Variants in WDFY4 observed in about 807,000 individuals in gnomAD.
WDFY4 encodes the protein WDFY family member 4.
Under a neutral mutation model 351.9 loss-of-function variants are expected in WDFY4, and 169 were observed. The ratio of observed to expected loss-of-function variants is 0.48; its 90% CI spans 0.42 to 0.55. The LOEUF (loss-of-function observed/expected upper bound fraction) is 0.55, where lower values mean the gene tolerates loss of function less well. Among genes scored for constraint, WDFY4 ranks in the 20% least tolerant of loss-of-function variants. WDFY4 has a pLI of 0.00. For missense variants in WDFY4, 3,803 were observed against 3,935.6 expected, an observed-to-expected ratio of 0.97 and a Z score of 0.90; for synonymous variants, 1,622 against 1,574.6, an observed-to-expected ratio of 1.03 and a Z score of -0.71.
At chr10:48,777,804 G>A (rs1252397473) in intron 17 of WDFY4, among the ~76,000 whole-genome samples, 2 of 152,220 alleles carry the variant, frequency 1.3e-5, no homozygotes, top group Non-Finnish European at 2.9e-5. Flanking sequence ...CTGCAGATGA[G>A]TTGTTCTTCA....
intron 51 of WDFY4, among the ~76,000 whole-genome samples, chr10:48,950,619 A>G (rs866665063): frequency 6.6e-6 from 1 of 152,220 alleles, no homozygotes; most frequent in South Asian, 2.1e-4. Context: ...CCCTGGGGAC[A>G]CCAAGCCTAA....
intron 47 of WDFY4, among the ~76,000 whole-genome samples, chr10:48,922,103 TA>T (rs1839136345): frequency 6.6e-6 from 1 of 152,194 alleles, no homozygotes; most frequent in South Asian, 2.1e-4. Flanking sequence ...TACTGTACAG[TA>T]GTCCCCCTTA....
rs910106110 is a variant in WDFY4 at position 48,823,674 on chromosome 10, G to C, written c.5982+1137G>C. The C allele has an allele frequency of 1.7e-5, 17 of 1,004,052 alleles. No individual in the cohort carries two copies. The African/African-American group carries it at 2.9e-4, about 17-fold the overall frequency. The allele number at this position is 1,004,052 out of a possible 1,614,324, so 62.2% of individuals were successfully genotyped here. The stretch of plus-strand genomic sequence containing the variant: ...CAAGTTGTGTTGTAAATGGAAAGAA[G>C]CTGCTGAGCTCCCTATGGCTAAAGC... On this transcript the variant is annotated intron_variant, in intron 35 of 61. Transcript: ENST00000325239.
chr10:48,784,969 TG>T (rs1461714173), intron 19 of WDFY4, among the ~76,000 whole-genome samples: 1 of 150,492 alleles, frequency 6.6e-6, no homozygotes, highest in Non-Finnish European at 1.5e-5. Context: ...GCCATTCTCC[TG>T]CCTCAGCCTC....
chr10:48,852,906 T>C (rs192932596), intron 39 of WDFY4, among the ~76,000 whole-genome samples: 2 of 152,356 alleles, frequency 1.3e-5, no homozygotes, highest in East Asian at 3.9e-4. Context: ...ATATACTGTA[T>C]GCTCTGTCTT....
chr10:48,731,418 C>T lies in WDFY4; in HGVS notation c.1438C>T (p.Pro480Ser), dbSNP rs1261568253. Reference protein sequence around the residue: ...VQHLIKESPGPSCTLMALQSI... With the variant: ...VQHLIKESPGSSCTLMALQSI... ...GCATCTGATCAAGGAGAGCCCTGGG[C>T]CATCCTGCACCCTCATGGCCCTGCA... The change falls in exon 9 of 62, where the codon CCA becomes TCA. Residue 480 changes from proline (P) to serine (S), a missense_variant. Pro to Ser is a moderately conservative substitution (Grantham distance 74). This residue lies in a region of WDFY4 where 261 missense variants were observed against 330.2 expected (regional missense o/e 0.79). Transcript: ENST00000325239. 3 of 1,551,712 alleles carry T rather than the reference C, an allele frequency of 1.9e-6. No individual in the cohort carries two copies. The South Asian group carries it at 3.6e-5, about 18-fold the overall frequency.
intron 39 of WDFY4, among the ~76,000 whole-genome samples, chr10:48,865,709 G>C (rs2069518753): frequency 6.6e-6 from 1 of 152,140 alleles, no homozygotes; most frequent in Non-Finnish European, 1.5e-5. Flanking sequence ...GCTTTTCTTT[G>C]TGGGTAGGTT....
Position 48,780,053 on chromosome 10 carries a change from T to C in WDFY4, c.3510T>C (p.Thr1170=). The part of the protein sequence containing the change: ...GQWHHLAVVV[T]KEMKRHCTVS... ...GGCATCACTTGGCTGTGGTTGTCAC[T>C]AAGGAAATGAAAAGGCATTGTACAG... The change falls in exon 19 of 62, where the codon ACT becomes ACC. Residue 1170 remains threonine (T), a synonymous_variant. Coordinates refer to ENST00000325239, the MANE Select transcript of WDFY4 (RefSeq NM_001394531.1). The C allele has an allele frequency of 6.4e-7, 1 of 1,551,956 alleles. No homozygotes were observed. The highest frequency in any genetic ancestry group is 8.7e-7 in the Non-Finnish European group (1 of 1,147,054).
chr10:48,772,517 C>CTTTTTTTTTTTTTTTTTTTGTTTTTT (rs10672319), intron 13 of WDFY4, among the ~76,000 whole-genome samples: 2 of 70,650 alleles, frequency 2.8e-5, no homozygotes, highest in Non-Finnish European at 5.4e-5. Context: ...GAGGGCAGTT[C>CTTTTTTTTTTTTTTTTTTTGTTTTTT]TTTTTTTTTT....
At chr10:48,883,692 G>A (rs73294624) in intron 43 of WDFY4, among the ~76,000 whole-genome samples, 5,581 of 152,164 alleles carry the variant, frequency 0.037, 344 homozygotes, top group African/African-American at 0.13. Flanking sequence ...ACTTTCCAGG[G>A]CATGACTGCT....
chr10:48,787,804 CTCCTCTTCTTCTTCTTCTTCT>C (rs1383361836), intron 20 of WDFY4, among the ~76,000 whole-genome samples: 2 of 70,764 alleles, frequency 2.8e-5, no homozygotes, highest in Non-Finnish European at 5.2e-5. Context: ...CCTCCTCCTC[CTCCTCTTCTTCTTCTTCTTCT>C]TCTTCTTCTT....
intron 47 of WDFY4, among the ~76,000 whole-genome samples, chr10:48,925,884 T>G (rs1344644999): frequency 6.6e-6 from 1 of 152,210 alleles, no homozygotes; most frequent in Non-Finnish European, 1.5e-5. Context: ...CCTTCATGTA[T>G]GTCTAATCTC....
intron 47 of WDFY4, chr10:48,910,904 T>C: frequency 4.1e-6 from 4 of 985,226 alleles, no homozygotes; most frequent in Non-Finnish European, 4.8e-6. Context: ...AACCTCGATG[T>C]TTCTCTTAAC....
At chr10:48,820,531 C>G in intron 33 of WDFY4, 94 bp downstream of exon 33, 1 of 1,346,334 alleles carries the variant, frequency 7.4e-7, no homozygotes, top group East Asian at 2.5e-5. Flanking sequence ...AGACAGAGGG[C>G]CTGGGGGCCA....
intron 22 of WDFY4, among the ~76,000 whole-genome samples, chr10:48,790,207 G>T (rs2066632288): frequency 6.6e-6 from 1 of 152,262 alleles, no homozygotes; most frequent in African/African-American, 2.4e-5. Flanking sequence ...GGTGAGCTCA[G>T]CTACTAACCA....
At chr10:48,686,635 T>C (rs2063058575) in intron 1 of WDFY4, among the ~76,000 whole-genome samples, 1 of 152,226 alleles carries the variant, frequency 6.6e-6, no homozygotes, top group South Asian at 2.1e-4. Context: ...TTTGCCTAAT[T>C]GGTTCAAAAG....
At chr10:48,929,033 T>C (rs577033625) in intron 47 of WDFY4, among the ~76,000 whole-genome samples, 1 of 152,090 alleles carries the variant, frequency 6.6e-6, no homozygotes, top group Non-Finnish European at 1.5e-5. Flanking sequence ...GATAGAGACA[T>C]AGAGATTAGA....
intron 47 of WDFY4, among the ~76,000 whole-genome samples, chr10:48,920,944 C>T (rs903573935): frequency 2.6e-5 from 4 of 151,972 alleles, no homozygotes; most frequent in Non-Finnish European, 5.9e-5. Context: ...CATAAATAAC[C>T]AAAATATGCA....
At chr10:48,944,483 A>C (rs1564518191) in intron 49 of WDFY4, among the ~76,000 whole-genome samples, 1 of 152,184 alleles carries the variant, frequency 6.6e-6, no homozygotes, top group Admixed American at 6.5e-5. Context: ...GGCCATCTGG[A>C]GAGGTGCTGG....
Sources: gnomAD v4.1 joint callset for allele counts (sites outside exome capture counted in the v4.1 genomes callset) on GRCh38, gnomAD v4.1.1 for gene constraint, gnomAD v4.1.1 regional missense constraint, MANE v1.5 for transcripts, NCBI Gene and HGNC (gene_info 2026-07-23, HGNC 2026-07-21) for gene names.